The following CDH4 variants were observed in gnomAD, a reference collection of about 807,000 sequenced individuals.
CDH4 encodes the protein cadherin-4.
Under a neutral mutation model 86.0 loss-of-function variants are expected in CDH4, and 33 were observed. That is an observed-to-expected ratio of 0.38 (90% CI 0.29 to 0.51). The LOEUF is 0.51. Ranked by LOEUF, CDH4 falls within the 20% of genes least tolerant of loss-of-function variation. CDH4 has a pLI of 0.86. For synonymous variants in CDH4, 555 were observed against 549.4 expected, an observed-to-expected ratio of 1.01 and a Z score of -0.14; for missense variants, 1,114 against 1,307.4, an observed-to-expected ratio of 0.85 and a Z score of 2.28.
At position 61,447,323 on chromosome 20, in the gene CDH4, ATTT is replaced by A. The variant is rs71331923; in HGVS notation, c.169+192406_169+192408del. Among the ~76,000 whole-genome samples the A allele has an allele frequency of 4.7e-3, 525 of 110,868 alleles. 5 individuals are homozygous for A. The highest frequency in any genetic ancestry group is 0.017 in the Middle Eastern group (3 of 176). 72.7% of individuals were successfully genotyped at this position (110,868 alleles called of 152,430 possible). A position where few individuals can be genotyped will look rare whatever the true frequency, so the allele number is the denominator to read the frequency against. On this transcript the variant is annotated intron_variant, in intron 2 of 15. Transcript: ENST00000614565. ...AGGCATGCGCCACCACGCCCAGCTG[ATTT>A]TTTTTTTTTTTTTTTTTTTGTATTT...
At chr20:61,536,065 A>G (rs1270103793) in intron 2 of CDH4, among the ~76,000 whole-genome samples, 1 of 152,098 alleles carries the variant, frequency 6.6e-6, no homozygotes, top group Non-Finnish European at 1.5e-5. Flanking sequence ...GCCCCACCAG[A>G]GCCTGGAAGA....
At chr20:61,634,188 C>A (rs2086923495) in intron 2 of CDH4, among the ~76,000 whole-genome samples, 1 of 152,218 alleles carries the variant, frequency 6.6e-6, no homozygotes, top group African/African-American at 2.4e-5. Context: ...CTGTAAGCAG[C>A]TCAGGGCATG....
At chr20:61,394,358 G>A (rs548970843) in intron 2 of CDH4, among the ~76,000 whole-genome samples, 7 of 152,242 alleles carry the variant, frequency 4.6e-5, no homozygotes, top group South Asian at 2.1e-4. Flanking sequence ...AGCGACCAGC[G>A]GCAGGTGAGC....
At chr20:61,576,512 A>AGTAGGC (rs1193351071) in intron 2 of CDH4, among the ~76,000 whole-genome samples, 2 of 152,192 alleles carry the variant, frequency 1.3e-5, no homozygotes, top group African/African-American at 4.8e-5. Context: ...TTGGAGTAGG[A>AGTAGGC]GTAGGCTGGC....
rs559679045 is a variant in CDH4, at chr20:61,773,728, G to A, written c.576+546G>A. On this transcript the variant is annotated intron_variant, in intron 4 of 15. Transcript: ENST00000614565. Reference sequence around the variant, plus strand: ...CGAGCAATTTCTTCTTCCCTTTGAAGAAAATTGCAGCCCAATCTGAGCAAC... The same window carrying A: ...CGAGCAATTTCTTCTTCCCTTTGAAAAAAATTGCAGCCCAATCTGAGCAAC... 5.3e-5 allele frequency among the ~76,000 whole-genome samples: 8 copies of A among 152,298 alleles called. No homozygotes were observed. The South Asian group carries it at 1.7e-3, about 32-fold the overall frequency.
intron 2 of CDH4, among the ~76,000 whole-genome samples, chr20:61,614,614 A>G (rs530278799): frequency 1.3e-5 from 2 of 152,232 alleles, no homozygotes; most frequent in South Asian, 4.1e-4. Flanking sequence ...TCAGAATTGA[A>G]TTGAATTCTG....
intron 4 of CDH4, among the ~76,000 whole-genome samples, chr20:61,842,156 T>A (rs986774551): frequency 6.6e-6 from 1 of 152,230 alleles, no homozygotes; most frequent in Non-Finnish European, 1.5e-5. Flanking sequence ...AGCCTATGAT[T>A]GTCATCGTGC....
chr20:61,937,100 AC>A lies in CDH4; in HGVS notation c.*160del. The A allele has an allele frequency of 1.9e-6, 1 of 524,358 alleles. No homozygotes were observed. The highest frequency in any genetic ancestry group is 3.1e-6 in the Non-Finnish European group (1 of 318,942). 32.5% of individuals were successfully genotyped at this position (524,358 alleles called of 1,614,324 possible). A position where few individuals can be genotyped will look rare whatever the true frequency, so the allele number is the denominator to read the frequency against. On this transcript the variant is annotated 3_prime_UTR_variant, in exon 16 of 16. Coordinates refer to ENST00000614565, the MANE Select transcript of CDH4 (RefSeq NM_001794.5). ...CCACGTTGAGCTGTCTAGCATGAGC[AC>A]CCACCCCCACAGCGCCCTGCACCCG...
At chr20:61,554,407 T>G (rs915055931) in intron 2 of CDH4, among the ~76,000 whole-genome samples, 8 of 152,222 alleles carry the variant, frequency 5.3e-5, no homozygotes, top group African/African-American at 1.4e-4. Context: ...AAACATTATG[T>G]CGCCACTGAC....
At chr20:61,329,418 G>C (rs1224674775) in intron 2 of CDH4, among the ~76,000 whole-genome samples, 1 of 151,902 alleles carries the variant, frequency 6.6e-6, no homozygotes, top group Non-Finnish European at 1.5e-5. Flanking sequence ...CAGCGTGCGT[G>C]GAGGGCACCC....
At chr20:61,648,855 C>T (rs547285134) in intron 2 of CDH4, among the ~76,000 whole-genome samples, 4 of 152,252 alleles carry the variant, frequency 2.6e-5, no homozygotes, top group South Asian at 4.2e-4. Context: ...TCTGGCACTG[C>T]GATTGCTGAC....
rs139025254 is a variant in CDH4, at chr20:61,273,954, G to T, written c.169+19017G>T. Among the ~76,000 whole-genome samples, 1,179 of 148,120 alleles carry T rather than the reference G, an allele frequency of 8.0e-3. 9 individuals carry two copies. Among genetic ancestry groups the T allele is most frequent in the African/African-American group, 0.028 (1,104 of 39,848 alleles). Reference sequence around the variant, plus strand: ...GAGGAGTATTGTGTGCAGTTTGGGGGAGTACCATGTGCAGTTTTGGGGGGT... The same window carrying T: ...GAGGAGTATTGTGTGCAGTTTGGGGTAGTACCATGTGCAGTTTTGGGGGGT... On this transcript the variant is annotated intron_variant, in intron 2 of 15. Coordinates refer to ENST00000614565, the MANE Select transcript of CDH4 (RefSeq NM_001794.5).
At chr20:61,261,665 A>T (rs1046489885) in intron 2 of CDH4, among the ~76,000 whole-genome samples, 1 of 152,130 alleles carries the variant, frequency 6.6e-6, no homozygotes, top group African/African-American at 2.4e-5. Context: ...CTCCAAATTA[A>T]TGTTAAAGAA....
chr20:61,708,527 T>G lies in CDH4; in HGVS notation c.170-35036T>G, dbSNP rs1401556676. Among the ~76,000 whole-genome samples, 2 of 152,158 alleles carry G rather than the reference T, an allele frequency of 1.3e-5. No individual in the cohort carries two copies. Among genetic ancestry groups the G allele is most frequent in the Admixed American group, 6.5e-5 (1 of 15,282 alleles). On this transcript the variant is annotated intron_variant, in intron 2 of 15. Coordinates refer to ENST00000614565, the MANE Select transcript of CDH4 (RefSeq NM_001794.5). The surrounding 1 kb of genome is among the most constrained non-coding windows in gnomAD (Gnocchi z 4.5). ...AGTTTGACACCCGGCCACACAGCCC[T>G]GACTCGTAGCCGGTGGCTGCAGGCT...
rs551771223 is a variant in CDH4, at chr20:61,697,576, C to T, written c.170-45987C>T. Reference sequence around the variant, plus strand: ...TCACGCCACTGCACTCCAGCCTGGGCGACAGAGCAAGACTCCATCTCGGGG... The same window carrying T: ...TCACGCCACTGCACTCCAGCCTGGGTGACAGAGCAAGACTCCATCTCGGGG... On this transcript the variant is annotated intron_variant, in intron 2 of 15. Transcript: ENST00000614565. Among the ~76,000 whole-genome samples the T allele has an allele frequency of 5.9e-5, 9 of 152,100 alleles. No homozygotes were observed. The South Asian group carries it at 8.3e-4, about 14-fold the overall frequency.
chr20:61,776,413 A>G (rs950631218), intron 4 of CDH4, among the ~76,000 whole-genome samples: 1 of 152,148 alleles, frequency 6.6e-6, no homozygotes, highest in African/African-American at 2.4e-5. Flanking sequence ...AAAAGCTGCA[A>G]ATTCCGTGCT....
intron 8 of CDH4, among the ~76,000 whole-genome samples, chr20:61,895,531 G>A (rs1303144300): frequency 6.6e-6 from 1 of 152,190 alleles, no homozygotes; most frequent in Non-Finnish European, 1.5e-5. Context: ...TTCACTGAAT[G>A]TTGTTGAAAG....
At chr20:61,487,013 A>G (rs767787218) in intron 2 of CDH4, among the ~76,000 whole-genome samples, 1 of 152,192 alleles carries the variant, frequency 6.6e-6, no homozygotes, top group Non-Finnish European at 1.5e-5. Flanking sequence ...AGGGCCCTGG[A>G]GTCACAGTCA....
At chr20:61,854,026 A>G (rs938211752) in intron 6 of CDH4, among the ~76,000 whole-genome samples, 2 of 152,204 alleles carry the variant, frequency 1.3e-5, no homozygotes, top group Admixed American at 6.5e-5. Context: ...CTAAGAGAGT[A>G]ATCCTTGCTG....
Sources: gnomAD v4.1 joint callset for allele counts (sites outside exome capture counted in the v4.1 genomes callset) on GRCh38, gnomAD v4.1.1 for gene constraint, Gnocchi (gnomAD v3.1) non-coding constraint, MANE v1.5 for transcripts, NCBI Gene and HGNC (gene_info 2026-07-23, HGNC 2026-07-21) for gene names.